The following NCAPD3 variants were observed in gnomAD, a reference collection of about 807,000 sequenced individuals.
NCAPD3 encodes condensin-2 complex subunit D3.
Under a neutral mutation model 182.9 loss-of-function variants are expected in NCAPD3, and 105 were observed. The ratio of observed to expected loss-of-function variants is 0.57; its 90% CI spans 0.49 to 0.68. The LOEUF (loss-of-function observed/expected upper bound fraction) is 0.68, where lower values mean the gene tolerates loss of function less well. Among genes scored for constraint, NCAPD3 ranks in the 30% least tolerant of loss-of-function variants. The pLI is 0.00. For missense variants in NCAPD3, 1,944 were observed against 1,837.0 expected, an observed-to-expected ratio of 1.06 and a Z score of -1.07; for synonymous variants, 815 against 679.9, an observed-to-expected ratio of 1.20 and a Z score of -3.09.
intron 20 of NCAPD3, among the ~76,000 whole-genome samples, chr11:134,180,028 A>G (rs1944260895): frequency 6.6e-6 from 1 of 151,820 alleles, no homozygotes; most frequent in African/African-American, 2.4e-5. Flanking sequence ...GTTGAAAAAA[A>G]CCTGGGGGAG....
intron 23 of NCAPD3, 38 bp downstream of exon 23, chr11:134,177,181 G>T: frequency 6.8e-7 from 1 of 1,470,960 alleles, no homozygotes; most frequent in Non-Finnish European, 9.5e-7. Flanking sequence ...CAGAAGCAAT[G>T]GTGAAGGGGA....
chr11:134,162,700 T>TA (rs1461170336), intron 27 of NCAPD3, among the ~76,000 whole-genome samples: 2 of 152,148 alleles, frequency 1.3e-5, no homozygotes, highest in African/African-American at 4.8e-5. Flanking sequence ...TGAGCAGATG[T>TA]TATGTTCAGG....
chr11:134,185,723 T>G (rs146808987), intron 16 of NCAPD3, among the ~76,000 whole-genome samples, 197 bp from the exon 17 acceptor site: 39 of 152,308 alleles, frequency 2.6e-4, no homozygotes, highest in African/African-American at 8.2e-4. Flanking sequence ...ATTATTCTAC[T>G]ATCAGTTATA....
rs529692992 is a variant in NCAPD3, at chr11:134,208,294, C to T, written c.882+570G>A. Reference sequence around the variant, plus strand: ...ATCTAAGTTTAGTAACAGCATCATGCGCAACTAACTCTAACTGCAAAGTTT... The same window carrying T: ...ATCTAAGTTTAGTAACAGCATCATGTGCAACTAACTCTAACTGCAAAGTTT... On this transcript the variant is annotated intron_variant, in intron 7 of 34. Coordinates refer to ENST00000534548, the MANE Select transcript of NCAPD3 (RefSeq NM_015261.3). Among the ~76,000 whole-genome samples the T allele has an allele frequency of 2.4e-4, 37 of 152,318 alleles. No individual in the cohort carries two copies. The South Asian group carries it at 4.8e-3, about 20-fold the overall frequency.
intron 27 of NCAPD3, among the ~76,000 whole-genome samples, chr11:134,165,841 T>C (rs1943768678): frequency 7.3e-6 from 1 of 137,494 alleles, no homozygotes; most frequent in African/African-American, 2.8e-5. Context: ...AGGCGCACAC[T>C]CGTGAGATGA....
chr11:134,185,400 C>T lies in NCAPD3; in HGVS notation c.2172G>A (p.Lys724=). The T allele has an allele frequency of 1.2e-6, 2 of 1,614,050 alleles. No individual in the cohort carries two copies. Among genetic ancestry groups the T allele is most frequent in the Non-Finnish European group, 1.7e-6 (2 of 1,179,988 alleles). The change falls in exon 17 of 35, where the codon AAG becomes AAA. Residue 724 remains lysine (K), a synonymous_variant. Transcript: ENST00000534548. ...HSAPAWMLLS[K]IAGSSPRLDY... is the part of the protein sequence containing the mutation. ...CCAGCCTGGGTGAGGAGCCAGCAAT[C>T]TTGGAGAGCAGCATCCAGGCAGGTG...
At position 134,203,898 on chromosome 11, in the gene NCAPD3, G is replaced by A. The variant is rs372041592; in HGVS notation, c.1224C>T (p.His408=). Residue 408 remains histidine (H), a synonymous_variant, in exon 11 of 35, where the codon CAC becomes CAT. Transcript: ENST00000534548. ...YKYSRSSKIP[H]RVFTLDVVLA... ...AGACAACATCAAGAGTAAAAACCCGGTGTGGGATCTGGTAAAGCAAGATCA... is the reference window on the plus strand; with the variant it reads ...AGACAACATCAAGAGTAAAAACCCGATGTGGGATCTGGTAAAGCAAGATCA... The A allele has an allele frequency of 6.2e-7, 1 of 1,613,400 alleles. No individual in the cohort carries two copies. Among genetic ancestry groups the A allele is most frequent in the Admixed American group, 1.7e-5 (1 of 59,978 alleles).
rs1266724159 is a variant in NCAPD3, at chr11:134,153,058, G to A, written c.4389-6C>T. The A allele has an allele frequency of 1.2e-6, 2 of 1,606,776 alleles. No homozygotes were observed. Among genetic ancestry groups the A allele is most frequent in the Non-Finnish European group, 8.5e-7 (1 of 1,174,568 alleles). ...ACTGCTGAGGCTGTGGGGGCCTAGG[G>A]AAAGGACATGTGCAGTCATTCTGGA... is the stretch of plus-strand genomic sequence containing the variant. On this transcript the variant is annotated splice_polypyrimidine_tract_variant and splice_region_variant and intron_variant, in intron 34 of 34. Coordinates refer to ENST00000534548, the MANE Select transcript of NCAPD3 (RefSeq NM_015261.3).
At chr11:134,195,399 T>C (rs1212817696) in intron 13 of NCAPD3, among the ~76,000 whole-genome samples, 2 of 152,170 alleles carry the variant, frequency 1.3e-5, no homozygotes, top group Non-Finnish European at 2.9e-5. Flanking sequence ...ACGCCCAGCC[T>C]TGAGGCTTCT....
chr11:134,176,440 A>C, intron 23 of NCAPD3, 54 bp from the exon 24 acceptor site: 2 of 1,505,352 alleles, frequency 1.3e-6, no homozygotes, highest in Non-Finnish European at 1.8e-6. Context: ...GGCAAGCCTC[A>C]CTGTTCCCAG....
At chr11:134,181,215 G>T in intron 19 of NCAPD3, 31 bp from the exon 20 acceptor site, 1 of 1,437,870 alleles carries the variant, frequency 7.0e-7, no homozygotes, top group Non-Finnish European at 9.8e-7. Context: ...TCTCTGAAGG[G>T]CCCCGCACAT....
At chr11:134,156,343 C>A (rs1024001497) in intron 32 of NCAPD3, among the ~76,000 whole-genome samples, 3 of 152,186 alleles carry the variant, frequency 2.0e-5, no homozygotes, top group Non-Finnish European at 4.4e-5. Context: ...CACAGGGACA[C>A]GGCGGCAGGG....
chr11:134,202,787 C>A, intron 13 of NCAPD3, 29 bp downstream of exon 13: 1 of 1,493,106 alleles, frequency 6.7e-7, no homozygotes, highest in Non-Finnish European at 9.2e-7. Flanking sequence ...GCAGTATTAC[C>A]TATCTGACAG....
In NCAPD3 at chr11:134,220,619, A is replaced by G. The variant is rs747385034; in HGVS notation, c.172T>C (p.Tyr58His). Residue 58 changes from tyrosine (Y) to histidine (H), a missense_variant, in exon 2 of 35, where the codon TAT (tyrosine) becomes CAT (histidine). Tyr to His is a moderately conservative substitution (Grantham distance 83, BLOSUM62 2). Around this residue, in one of 3 missense-constraint regions of NCAPD3, gnomAD observed 131 missense variants for 133.9 expected, o/e 0.98. Coordinates refer to ENST00000534548, the MANE Select transcript of NCAPD3 (RefSeq NM_015261.3). Reference protein sequence around the residue: ...ETGLAAFTKLYESLLPFATGE... With the variant: ...ETGLAAFTKLHESLLPFATGE... ...GTAGCAAAGGGTAAAAGGCTTTCAT[A>G]GAGTTTTGTGAATGCAGCCAATCCA... 6.2e-7 allele frequency: 1 copy of G among 1,614,120 alleles called. No homozygotes were observed.
At chr11:134,192,546 G>A in intron 16 of NCAPD3, 143 bp downstream of exon 16, 1 of 689,208 alleles carries the variant, frequency 1.5e-6, no homozygotes, top group Admixed American at 2.9e-5. Flanking sequence ...AAGTCAGTCA[G>A]GGAAAGAGAG....
At chr11:134,224,170 G>C (rs1182456663), upstream of NCAPD3, 11 of 593,620 alleles carry the variant, frequency 1.9e-5, no homozygotes, top group Non-Finnish European at 3.3e-5. Context: ...TAATTCGTTC[G>C]AGAAGGAGCC....
Position 134,168,163 on chromosome 11 carries a change from G to C in NCAPD3, c.3406C>G (p.Leu1136Val). 3 of 1,614,126 alleles carry C rather than the reference G, an allele frequency of 1.9e-6. No individual in the cohort carries two copies. The highest frequency in any genetic ancestry group is 1.7e-6 in the Non-Finnish European group (2 of 1,179,978). ...CFADGILPLD[L>V]DASELLSDTF... ...TCTGAGAGTAACTCACTGGCGTCCA[G>C]GTCCAGGGGTAGGATGCCATCAGCA... The change falls in exon 27 of 35, where the codon CTG (leucine) becomes GTG (valine). Residue 1136 changes from leucine (L) to valine (V), a missense_variant. Transcript: ENST00000534548.
chr11:134,208,726 T>C, intron 7 of NCAPD3, 138 bp downstream of exon 7: 2 of 651,284 alleles, frequency 3.1e-6, no homozygotes, highest in South Asian at 1.9e-5. Flanking sequence ...CTTTTTATTA[T>C]GCAAATAATA....
intron 27 of NCAPD3, among the ~76,000 whole-genome samples, chr11:134,165,422 G>A (rs1000974141): frequency 7.4e-5 from 11 of 147,928 alleles, no homozygotes; most frequent in Middle Eastern, 4.1e-3. Context: ...CTTAGGGGAA[G>A]AAGCACACTC....
Sources: gnomAD v4.1 joint callset for allele counts (sites outside exome capture counted in the v4.1 genomes callset) on GRCh38, gnomAD v4.1.1 for gene constraint, gnomAD v4.1.1 regional missense constraint, MANE v1.5 for transcripts, NCBI Gene and HGNC (gene_info 2026-07-23, HGNC 2026-07-21) for gene names.